KALRN: variants seen among roughly 807,000 people sequenced by gnomAD.
The protein encoded by KALRN is kalirin RhoGEF kinase, also known as kalirin.
KALRN carries 70 observed loss-of-function variants against 353.7 expected under a neutral mutation model. The ratio of observed to expected loss-of-function variants is 0.20; its 90% CI spans 0.16 to 0.24. KALRN has a LOEUF of 0.24. KALRN is among the 10% of genes least tolerant of loss of function. The pLI is 1.00. For synonymous variants in KALRN, 1,391 were observed against 1,434.8 expected (o/e 0.97, Z 0.69); for missense variants, 2,791 against 3,756.7 (o/e 0.74, Z 6.72).
At chr3:124,098,386 G>A (rs571848210) in intron 1 of KALRN, among the ~76,000 whole-genome samples, 10 of 152,078 alleles carry the variant, frequency 6.6e-5, no homozygotes, top group Admixed American at 2.6e-4. Context: ...CTCTCTCTTC[G>A]TTCCTACCTC....
intron 1 of KALRN, among the ~76,000 whole-genome samples, chr3:124,156,068 C>G (rs1349417344): frequency 6.6e-6 from 1 of 152,192 alleles, no homozygotes; most frequent in Non-Finnish European, 1.5e-5. Context: ...ACTCTCTGGC[C>G]AAGCCCTCAT....
At chr3:124,113,744 G>A (rs1201400463) in intron 1 of KALRN, among the ~76,000 whole-genome samples, 1 of 152,248 alleles carries the variant, frequency 6.6e-6, no homozygotes, top group African/African-American at 2.4e-5. Flanking sequence ...CAGCCTGCGA[G>A]GCTCAAGGTA....
chr3:124,494,736 C>T (rs1447469178), intron 32 of KALRN, among the ~76,000 whole-genome samples: 1 of 152,210 alleles, frequency 6.6e-6, no homozygotes, highest in Admixed American at 6.5e-5. Flanking sequence ...CTTGCATACA[C>T]ACACACATCC....
At chr3:124,490,002 T>C (rs1473679364) in intron 29 of KALRN, among the ~76,000 whole-genome samples, 3 of 152,194 alleles carry the variant, frequency 2.0e-5, no homozygotes, top group Non-Finnish European at 2.9e-5. Flanking sequence ...GCACAGTGGC[T>C]CATGCCTATA....
chr3:124,678,092 G>A, intron 49 of KALRN, 98 bp from the exon 50 acceptor site: 3 of 1,326,256 alleles, frequency 2.3e-6, no homozygotes, highest in South Asian at 1.2e-5. Flanking sequence ...GCTTGATGGA[G>A]CACCTCACCT....
At chr3:124,370,944 T>G (rs1417567625) in intron 10 of KALRN, among the ~76,000 whole-genome samples, 2 of 152,242 alleles carry the variant, frequency 1.3e-5, no homozygotes, top group Non-Finnish European at 2.9e-5. Flanking sequence ...TCTTCAAAAT[T>G]ATTTCACTCC....
rs1003788139 is a variant in KALRN at position 124,702,516 on chromosome 3, G to GT, written c.8075+407dup. On this transcript the variant is annotated intron_variant, in intron 57 of 59. Coordinates refer to ENST00000682506, the MANE Select transcript of KALRN (RefSeq NM_001388419.1). ...ATATATGAGATTTTTAAAGGTATGA[G>GT]TTTTTTTAAAGTATCTTTTTATTAC... Among the ~76,000 whole-genome samples the GT allele has an allele frequency of 1.8e-4, 27 of 152,076 alleles. 1 individual carries two copies. The highest frequency in any genetic ancestry group is 3.2e-4 in the Non-Finnish European group (22 of 68,010).
chr3:124,445,121 CA>C (rs2093795461), intron 19 of KALRN, among the ~76,000 whole-genome samples: 1 of 152,156 alleles, frequency 6.6e-6, no homozygotes, highest in Non-Finnish European at 1.5e-5. Flanking sequence ...CCTATCTGAA[CA>C]ACCCTGAGCT....
intron 1 of KALRN, among the ~76,000 whole-genome samples, chr3:124,083,433 CAG>C (rs1425856301): frequency 1.3e-5 from 2 of 152,194 alleles, no homozygotes; most frequent in East Asian, 3.9e-4. Flanking sequence ...GGATGGGAAA[CAG>C]TGTTCCAAGC....
chr3:124,557,021 C>G (rs1010144759), intron 33 of KALRN, among the ~76,000 whole-genome samples: 1 of 152,130 alleles, frequency 6.6e-6, no homozygotes, highest in Non-Finnish European at 1.5e-5. Context: ...TAATTACTCA[C>G]TTAGTAGATA....
chr3:124,610,613 T>C (rs944004950), intron 34 of KALRN, among the ~76,000 whole-genome samples: 5 of 145,598 alleles, frequency 3.4e-5, no homozygotes, highest in Admixed American at 3.4e-4. Context: ...GTGTCGCCTC[T>C]CTCTAGATAT....
At chr3:124,096,306 C>G (rs1055487342) in intron 1 of KALRN, 1 of 152,198 alleles carries the variant, frequency 6.6e-6, no homozygotes, top group Non-Finnish European at 1.5e-5. Context: ...AAGTGAAATA[C>G]TTATCCCAGT....
chr3:124,403,482 G>A (rs2091126083), intron 13 of KALRN, among the ~76,000 whole-genome samples: 1 of 152,136 alleles, frequency 6.6e-6, no homozygotes, highest in Non-Finnish European at 1.5e-5. Context: ...CTGTGTAATT[G>A]CAAGCGAGGT....
intron 34 of KALRN, among the ~76,000 whole-genome samples, chr3:124,628,489 CTCCCTTCCCTTCCT>C (rs1456543582): frequency 1.2e-5 from 1 of 84,544 alleles, no homozygotes; most frequent in Non-Finnish European, 2.5e-5. Context: ...CTTCCCTTCC[CTCCCTTCCCTTCCT>C]TCCCTTCCTT....
chr3:124,119,113 G>A (rs948198796), intron 1 of KALRN, among the ~76,000 whole-genome samples: 30 of 152,206 alleles, frequency 2.0e-4, no homozygotes, highest in African/African-American at 7.2e-4. Context: ...GAGCAGGTAA[G>A]CCTTTTACGA....
chr3:124,412,404 A>G (rs189632305), intron 13 of KALRN, among the ~76,000 whole-genome samples: 4 of 152,372 alleles, frequency 2.6e-5, no homozygotes, highest in Admixed American at 2.6e-4. Context: ...CTCCTGAGAA[A>G]AGAGGATGAC....
rs1028370958 is a variant in KALRN at position 124,334,567 on chromosome 3, G to A, written c.1647+72G>A. ...GACCGAGCTCAAGTCCCTGACCTAG[G>A]TGATCAGGCTTAGGAGAGCCCAGAT... On this transcript the variant is annotated intron_variant, in intron 9 of 59. Transcript: ENST00000682506. This position sits in a 1 kb window ranked among gnomAD's most constrained non-coding sequence, Gnocchi z 4.2. 3.7e-6 allele frequency: 4 copies of A among 1,076,870 alleles called. No homozygotes were observed. The highest frequency in any genetic ancestry group is 4.2e-5 in the Admixed American group (2 of 47,860). The allele number at this position is 1,076,870 out of a possible 1,614,324, so 66.7% of individuals were successfully genotyped here.
Position 124,590,748 on chromosome 3 carries a change from G to T in KALRN, c.5182+27659G>T, listed in dbSNP as rs538511835. On this transcript the variant is annotated intron_variant, in intron 34 of 59. Transcript: ENST00000682506. ...TAACCCCAGGCTTTTCCTGAAGGAA[G>T]GCTCTGGAAAAGGCTGAGGTCTGAA... 3.9e-5 allele frequency among the ~76,000 whole-genome samples: 6 copies of T among 152,114 alleles called. No individual in the cohort carries two copies. The South Asian group carries it at 1.2e-3, about 32-fold the overall frequency.
chr3:124,120,711 AATATATATATATATATATATAT>A (rs368470724), intron 1 of KALRN, among the ~76,000 whole-genome samples: 16 of 98,938 alleles, frequency 1.6e-4, no homozygotes, highest in Non-Finnish European at 3.0e-4. Flanking sequence ...GAATACTAAA[AATATATATATATATATATATAT>A]ATATATATAT....
Sources: gnomAD v4.1 joint callset for allele counts (sites outside exome capture counted in the v4.1 genomes callset) on GRCh38, gnomAD v4.1.1 for gene constraint, Gnocchi (gnomAD v3.1) non-coding constraint, MANE v1.5 for transcripts, NCBI Gene and HGNC (gene_info 2026-07-23, HGNC 2026-07-21) for gene names.